The following NME1 variants were observed in gnomAD, a reference collection of about 807,000 sequenced individuals.
NME1 encodes nucleoside diphosphate kinase A.
A neutral mutation model predicts 17.2 loss-of-function variants in NME1; 9 were observed. The ratio of observed to expected loss-of-function variants is 0.52; its 90% CI spans 0.32 to 0.92. The LOEUF is 0.92. Ranked by LOEUF, NME1 falls within the 40% of genes least tolerant of loss-of-function variation. The pLI is 0.04. For missense variants in NME1, 169 were observed against 201.7 expected (o/e 0.84, Z 0.98); for synonymous variants, 72 against 70.8 (o/e 1.02, Z -0.09).
intron 3 of NME1, chr17:51,160,409 T>C (rs113034491): frequency 7.9e-4 from 317 of 400,270 alleles, no homozygotes; most frequent in African/African-American, 6.0e-3. Context: ...AAACAGCATG[T>C]GCAAAGGTCC....
rs2049862705 is a variant in NME1, at chr17:51,161,369, C to G, written c.341+97C>G. 2.2e-5 allele frequency: 26 copies of G among 1,162,020 alleles called. No homozygotes were observed. In the South Asian group the frequency reaches 3.4e-4, roughly 15 times the overall value. 72.0% of individuals were successfully genotyped at this position (1,162,020 alleles called of 1,614,324 possible). ...CTGGAGGTAGACATGATACCATATG[C>G]AGGTTGATTTTATCGGAGTTTATTG... On this transcript the variant is annotated intron_variant, in intron 4 of 4. Transcript: ENST00000393196.
At chr17:51,159,169 G>T (rs1272367132) in intron 2 of NME1, among the ~76,000 whole-genome samples, 2 of 152,196 alleles carry the variant, frequency 1.3e-5, no homozygotes, top group Non-Finnish European at 2.9e-5. Flanking sequence ...TGAGATAGTT[G>T]AGGGCCAGGC....
intron 1 of NME1, among the ~76,000 whole-genome samples, 161 bp from the exon 2 acceptor site, chr17:51,155,490 A>C (rs2049772436): frequency 6.6e-6 from 1 of 152,232 alleles, no homozygotes; most frequent in South Asian, 2.1e-4. Flanking sequence ...ATATTAGTTC[A>C]TAGATCAGGG....
chr17:51,158,719 C>T (rs1316502361), intron 2 of NME1, among the ~76,000 whole-genome samples: 2 of 152,136 alleles, frequency 1.3e-5, no homozygotes, highest in Admixed American at 6.6e-5. Context: ...GTGTGATATG[C>T]GTCATACAGT....
chr17:51,160,109 A>T, intron 3 of NME1, 28 bp downstream of exon 3: 1 of 1,610,320 alleles, frequency 6.2e-7, no homozygotes, highest in Non-Finnish European at 8.5e-7. Context: ...GGATACTCCA[A>T]GTATGCATTG....
In NME1 at chr17:51,161,815, G is replaced by C; in HGVS notation, c.429G>C (p.Thr143=). The C allele has an allele frequency of 6.2e-7, 1 of 1,613,516 alleles. No homozygotes were observed. The highest frequency in any genetic ancestry group is 1.1e-5 in the South Asian group (1 of 91,068). ...ACCCTGAGGAACTGGTAGATTACACGAGCTGTGCTCAGAACTGGATCTATG... is the reference window on the plus strand; with the variant it reads ...ACCCTGAGGAACTGGTAGATTACACCAGCTGTGCTCAGAACTGGATCTATG... ...WFHPEELVDY[T]SCAQNWIYE Residue 143 remains threonine (T), a synonymous_variant, in exon 5 of 5, where the codon ACG becomes ACC. Transcript: ENST00000393196.
chr17:51,161,956 G>A lies in NME1; in HGVS notation c.*111G>A. 1 of 788,470 alleles carries A rather than the reference G, an allele frequency of 1.3e-6. No homozygotes were observed. The highest frequency in any genetic ancestry group is 2.5e-5 in the East Asian group (1 of 40,700). The allele number at this position is 788,470 out of a possible 1,614,324, so 48.8% of individuals were successfully genotyped here. A position where few individuals can be genotyped will look rare whatever the true frequency, so the allele number is the denominator to read the frequency against. On this transcript the variant is annotated 3_prime_UTR_variant, in exon 5 of 5. Coordinates refer to ENST00000393196, the MANE Select transcript of NME1 (RefSeq NM_000269.3). Reference sequence around the variant, plus strand: ...TACAGGAACTTCATCATAATTTGGAGGGAAGCTCTTGGAGCTGTGAGTTCT... The same window carrying A: ...TACAGGAACTTCATCATAATTTGGAAGGAAGCTCTTGGAGCTGTGAGTTCT...
At chr17:51,156,104 G>A (rs1446176795) in intron 2 of NME1, 2 of 346,726 alleles carry the variant, frequency 5.8e-6, no homozygotes, top group Non-Finnish European at 1.1e-5. Flanking sequence ...TGAGCTTCCT[G>A]AGCAGATAAT....
In NME1 at chr17:51,159,841, A is replaced by G; in HGVS notation, c.127-139A>G. The G allele has an allele frequency of 3.3e-6, 3 of 915,330 alleles. No homozygotes were observed. In the East Asian group the frequency reaches 7.7e-5, roughly 23 times the overall value. The allele number at this position is 915,330 out of a possible 1,614,324, so 56.7% of individuals were successfully genotyped here. A position where few individuals can be genotyped will look rare whatever the true frequency, so the allele number is the denominator to read the frequency against. ...CTGTCACTGCTCCCTTCCAGTGTGGAGAATGAATTGGGTTATAACAGAATC... is the reference window on the plus strand; with the variant it reads ...CTGTCACTGCTCCCTTCCAGTGTGGGGAATGAATTGGGTTATAACAGAATC... On this transcript the variant is annotated intron_variant, in intron 2 of 4. Coordinates refer to ENST00000393196, the MANE Select transcript of NME1 (RefSeq NM_000269.3).
intron 3 of NME1, chr17:51,160,610 C>CTTTT (rs1161137953): frequency 1.1e-4 from 20 of 183,368 alleles, no homozygotes; most frequent in South Asian, 1.7e-4. Flanking sequence ...CTTGGCATTT[C>CTTTT]TTTTTTTTTT....
Position 51,161,938 on chromosome 17 carries a change from A to G in NME1, c.*93A>G, listed in dbSNP as rs557956489. Reference sequence around the variant, plus strand: ...GTAGGAAATCTAGTTATTTACAGGAACTTCATCATAATTTGGAGGGAAGCT... The same window carrying G: ...GTAGGAAATCTAGTTATTTACAGGAGCTTCATCATAATTTGGAGGGAAGCT... On this transcript the variant is annotated 3_prime_UTR_variant, in exon 5 of 5. Coordinates refer to ENST00000393196, the MANE Select transcript of NME1 (RefSeq NM_000269.3). 1.2e-6 allele frequency: 1 copy of G among 851,980 alleles called. No individual in the cohort carries two copies. Among genetic ancestry groups the G allele is most frequent in the South Asian group, 1.4e-5 (1 of 73,940 alleles). 52.8% of individuals were successfully genotyped at this position (851,980 alleles called of 1,614,324 possible).
At chr17:51,160,526 G>GC in intron 3 of NME1, 1 of 348,266 alleles carries the variant, frequency 2.9e-6, no homozygotes, top group South Asian at 2.3e-5. Flanking sequence ...AGAGGCATGG[G>GC]CAGGGGCCTT....
chr17:51,160,152 C>G (rs754177739), intron 3 of NME1, 71 bp downstream of exon 3: 2 of 1,541,158 alleles, frequency 1.3e-6, no homozygotes, highest in South Asian at 1.1e-5. Context: ...CTTCTAGACA[C>G]TGGGGATACA....
rs1598235865 is a variant in NME1 at position 51,155,881 on chromosome 17, G to T, written c.126+101G>T. 3 of 1,569,418 alleles carry T rather than the reference G, an allele frequency of 1.9e-6. No homozygotes were observed. In the South Asian group the frequency reaches 3.3e-5, roughly 18 times the overall value. ...GTCTTTCTTATTTAAAGTTCTCCAC[G>T]GTAGAGTGAACACAAGTGTCTTGAG... On this transcript the variant is annotated intron_variant, in intron 2 of 4. Transcript: ENST00000393196.
At chr17:51,160,690 A>G (rs905902571) in intron 3 of NME1, 89 of 261,732 alleles carry the variant, frequency 3.4e-4, no homozygotes, top group Non-Finnish European at 9.6e-5. Flanking sequence ...TCTCACCGCA[A>G]GCTCCACCTC....
At chr17:51,154,254 A>G (rs1179642518) in intron 1 of NME1, 3 of 877,060 alleles carry the variant, frequency 3.4e-6, no homozygotes, top group Admixed American at 1.7e-5. Context: ...TAGAGTCTCT[A>G]CACAGGACTA....
At chr17:51,161,458 T>C in intron 4 of NME1, 186 bp downstream of exon 4, 1 of 699,354 alleles carries the variant, frequency 1.4e-6, no homozygotes, top group South Asian at 1.7e-5. Flanking sequence ...GTACCTCTGT[T>C]ACACGAAGTG....
chr17:51,155,831 C>T (rs1249857751), intron 2 of NME1, 51 bp downstream of exon 2: 1 of 1,607,956 alleles, frequency 6.2e-7, no homozygotes, highest in Admixed American at 1.7e-5. Flanking sequence ...TATAGGAGAA[C>T]ACTGTGATTA....
At chr17:51,154,948 T>C (rs2049763359) in intron 1 of NME1, among the ~76,000 whole-genome samples, 1 of 152,152 alleles carries the variant, frequency 6.6e-6, no homozygotes, top group Non-Finnish European at 1.5e-5. Context: ...GCTTATTAAA[T>C]CAAATGGTGG....
Sources: allele counts gnomAD v4.1 joint callset (sites outside exome capture counted in the v4.1 genomes callset), GRCh38; gene constraint gnomAD v4.1.1; transcripts MANE v1.5; gene names NCBI Gene and HGNC (gene_info 2026-07-23, HGNC 2026-07-21).